RMND1: variants seen among roughly 807,000 people sequenced by gnomAD.
RMND1 encodes required for meiotic nuclear division protein 1 homolog.
In RMND1, 41 loss-of-function variants were observed where a neutral mutation model predicts 54.0. The ratio of observed to expected loss-of-function variants is 0.76; its 90% CI spans 0.59 to 0.98. The LOEUF (loss-of-function observed/expected upper bound fraction) is 0.98, where lower values mean the gene tolerates loss of function less well. Ranked by LOEUF, RMND1 falls within the 50% of genes least tolerant of loss-of-function variation. The pLI, the probability that RMND1 is intolerant of heterozygous loss-of-function variation, is 0.00. For missense variants in RMND1, 457 were observed against 532.0 expected (o/e 0.86, Z 1.39); for synonymous variants, 183 against 181.7 (o/e 1.01, Z -0.06).
At chr6:151,448,845 T>G (rs1781037982) in intron 1 of RMND1, among the ~76,000 whole-genome samples, 1 of 151,972 alleles carries the variant, frequency 6.6e-6, no homozygotes, top group South Asian at 2.1e-4. Flanking sequence ...TCTCAGCACT[T>G]TGGGAGGGAT....
chr6:151,431,954 T>G (rs1338811300), intron 4 of RMND1, among the ~76,000 whole-genome samples: 1 of 151,966 alleles, frequency 6.6e-6, no homozygotes, highest in Non-Finnish European at 1.5e-5. Flanking sequence ...TTTTTTTCTT[T>G]GAGGCAGAGT....
intron 9 of RMND1, 51 bp downstream of exon 9, chr6:151,421,191 TTTC>T (rs1780141098): frequency 5.4e-6 from 7 of 1,296,242 alleles, no homozygotes; most frequent in Non-Finnish European, 7.7e-6. Context: ...ATGGGAATGT[TTTC>T]TTGAGATTGT....
intron 9 of RMND1, among the ~76,000 whole-genome samples, chr6:151,419,602 A>C (rs1780099922): frequency 6.7e-6 from 1 of 150,040 alleles, no homozygotes; most frequent in East Asian, 2.0e-4. Context: ...TGAGCCCAGG[A>C]GATCAAGGCT....
At chr6:151,436,583 G>A in intron 2 of RMND1, 29 bp from the exon 3 acceptor site, 1 of 1,610,030 alleles carries the variant, frequency 6.2e-7, no homozygotes, top group Non-Finnish European at 8.5e-7. Flanking sequence ...CATAACATGG[G>A]TTACCAAGAG....
intron 4 of RMND1, among the ~76,000 whole-genome samples, chr6:151,432,380 A>T (rs1261873970): frequency 6.6e-6 from 1 of 152,220 alleles, no homozygotes; most frequent in Non-Finnish European, 1.5e-5. Context: ...TGGGGTCAAA[A>T]GGAAGGTAGG....
At chr6:151,448,341 C>T (rs1781024006) in intron 1 of RMND1, among the ~76,000 whole-genome samples, 1 of 152,122 alleles carries the variant, frequency 6.6e-6, no homozygotes, top group Non-Finnish European at 1.5e-5. Flanking sequence ...GTCAATGATC[C>T]AACCACCTTT....
rs1779565303 is a variant in RMND1 at position 151,405,150 on chromosome 6, A to C, written c.*85T>G. 1 of 1,233,634 alleles carries C rather than the reference A, an allele frequency of 8.1e-7. No individual in the cohort carries two copies. 76.4% of individuals were successfully genotyped at this position (1,233,634 alleles called of 1,614,324 possible). On this transcript the variant is annotated 3_prime_UTR_variant, in exon 12 of 12. Coordinates refer to ENST00000444024, the MANE Select transcript of RMND1 (RefSeq NM_017909.4). ...CTCCGAAAGTGCTGGGATTACAGGC[A>C]TGAGGCACCGCGCCGGGCCGAACAT...
chr6:151,411,004 G>A (rs1582941757), intron 10 of RMND1, among the ~76,000 whole-genome samples: 1 of 152,074 alleles, frequency 6.6e-6, no homozygotes, highest in East Asian at 1.9e-4. Context: ...CTGTCACCCA[G>A]GCTGGAGTGC....
At chr6:151,424,319 CG>C (rs1361341895) in intron 6 of RMND1, among the ~76,000 whole-genome samples, 1 of 151,612 alleles carries the variant, frequency 6.6e-6, no homozygotes, top group Non-Finnish European at 1.5e-5. Flanking sequence ...TAAAATTAGC[CG>C]GGTGTGGTGG....
intron 3 of RMND1, 21 bp downstream of exon 3, chr6:151,436,425 C>T (rs1780615086): frequency 1.2e-6 from 2 of 1,613,052 alleles, no homozygotes; most frequent in South Asian, 1.1e-5. Context: ...CATACTTGGC[C>T]CCAGGTTCAA....
chr6:151,405,893 A>G (rs988842714), intron 10 of RMND1, 57 bp from the exon 11 acceptor site: 5 of 894,758 alleles, frequency 5.6e-6, no homozygotes, highest in African/African-American at 4.9e-5. Context: ...GGTCATACAC[A>G]TAAAAATTCT....
intron 2 of RMND1, among the ~76,000 whole-genome samples, chr6:151,443,441 C>T (rs1283448805): frequency 3.9e-5 from 6 of 151,960 alleles, no homozygotes; most frequent in African/African-American, 7.3e-5. Flanking sequence ...CCTCCCGAGC[C>T]GCTGGGATTA....
At chr6:151,448,403 TC>T (rs34878063) in intron 1 of RMND1, among the ~76,000 whole-genome samples, 65,443 of 151,986 alleles carry the variant, frequency 0.43, 17,374 homozygotes, top group African/African-American at 0.73. Context: ...CAGTTTACAC[TC>T]CATGGTCTAC....
intron 2 of RMND1, among the ~76,000 whole-genome samples, chr6:151,437,682 A>G (rs1324435253): frequency 6.6e-6 from 1 of 152,156 alleles, no homozygotes; most frequent in Non-Finnish European, 1.5e-5. Context: ...ATTCTTTCCC[A>G]TTCTGTATAT....
At chr6:151,409,776 G>A (rs1465688659) in intron 10 of RMND1, among the ~76,000 whole-genome samples, 1 of 152,192 alleles carries the variant, frequency 6.6e-6, no homozygotes, top group African/African-American at 2.4e-5. Flanking sequence ...CCAGGAGAAG[G>A]TGGGATTAGA....
chr6:151,446,168 A>C (rs1018100901), intron 1 of RMND1: 12 of 193,794 alleles, frequency 6.2e-5, no homozygotes, highest in Non-Finnish European at 1.1e-4. Context: ...CACACTTGTA[A>C]TCCCAGCACA....
chr6:151,431,140 AAG>A (rs1037221927), intron 4 of RMND1, among the ~76,000 whole-genome samples: 3 of 152,052 alleles, frequency 2.0e-5, no homozygotes, highest in African/African-American at 7.2e-5. Context: ...ATGAGAAAAC[AAG>A]AGGAGACAAC....
intron 10 of RMND1, among the ~76,000 whole-genome samples, chr6:151,415,392 G>C (rs536043276): frequency 6.6e-6 from 1 of 151,892 alleles, no homozygotes; most frequent in Admixed American, 6.6e-5. Context: ...TACGTAAGAT[G>C]TAATAACCAG....
chr6:151,411,811 C>T (rs1170703120), intron 10 of RMND1: 1 of 152,168 alleles, frequency 6.6e-6, no homozygotes, highest in Non-Finnish European at 1.5e-5. Flanking sequence ...ACTTTGATGG[C>T]CTGAAGCTGG....
Sources: gnomAD v4.1 joint callset for allele counts (sites outside exome capture counted in the v4.1 genomes callset) on GRCh38, gnomAD v4.1.1 for gene constraint, MANE v1.5 for transcripts, NCBI Gene and HGNC (gene_info 2026-07-23, HGNC 2026-07-21) for gene names.